Variants in TWF1 observed in about 807,000 individuals in gnomAD.
The protein encoded by TWF1 is twinfilin actin binding protein 1.
A neutral mutation model predicts 47.9 loss-of-function variants in TWF1; 14 were observed. The ratio of observed to expected loss-of-function variants is 0.29; its 90% confidence interval spans 0.19 to 0.46. TWF1 has a LOEUF of 0.46. Ranked by LOEUF, TWF1 falls within the 20% of genes least tolerant of loss-of-function variation. The pLI is 1.00. For missense variants in TWF1, 281 were observed against 409.3 expected (o/e 0.69, Z 2.70); for synonymous variants, 96 against 139.2 (o/e 0.69, Z 2.18).
In TWF1 at chr12:43,805,742, C is replaced by G; in HGVS notation, c.25+479G>C. 3.1e-6 allele frequency: 4 copies of G among 1,280,776 alleles called. No individual in the cohort carries two copies. The East Asian group carries it at 1.8e-4, about 59-fold the overall frequency. 79.3% of individuals were successfully genotyped at this position (1,280,776 alleles called of 1,614,324 possible). A position where few individuals can be genotyped will look rare whatever the true frequency, so the allele number is the denominator to read the frequency against. On this transcript the variant is annotated intron_variant, in intron 1 of 8. Coordinates refer to ENST00000395510, the MANE Select transcript of TWF1 (RefSeq NM_002822.5). ...TGCGGGAGAGTTTTGGGAAGCACCCCTACTGATGTGAGAAAGATTCTGGCA... is the reference window on the plus strand; with the variant it reads ...TGCGGGAGAGTTTTGGGAAGCACCCGTACTGATGTGAGAAAGATTCTGGCA...
rs778434449 is a variant in TWF1, at chr12:43,800,537, AGTT to A, written c.283-10_283-8del. On this transcript the variant is annotated splice_polypyrimidine_tract_variant and splice_region_variant and intron_variant, in intron 3 of 8. Transcript: ENST00000395510. Reference sequence around the variant, plus strand: ...ACAACATTTTTTGACGAACCTATTCAGTTGTGAAAGTTTACTTAGTTTATAGAT... The same window carrying A: ...ACAACATTTTTTGACGAACCTATTCAGTGAAAGTTTACTTAGTTTATAGAT... The A allele has an allele frequency of 5.6e-6, 9 of 1,604,714 alleles. No individual in the cohort carries two copies. The highest frequency in any genetic ancestry group is 7.7e-6 in the Non-Finnish European group (9 of 1,172,628).
At chr12:43,802,489 A>G (rs1267051000) in intron 2 of TWF1, 25 bp from the exon 3 acceptor site, 1 of 1,565,054 alleles carries the variant, frequency 6.4e-7, no homozygotes, top group Non-Finnish European at 8.8e-7. Context: ...TTTTAGAAAG[A>G]TAGGTAAATG....
chr12:43,794,015 G>A lies in TWF1; in HGVS notation c.*1570C>T, dbSNP rs1413633743. On this transcript the variant is annotated 3_prime_UTR_variant, in exon 9 of 9. Transcript: ENST00000395510. Reference sequence around the variant, plus strand: ...GTGTAGTGGAATTTAGAGTATAATTGCACATAGATGGTACAGAAAAACATT... The same window carrying A: ...GTGTAGTGGAATTTAGAGTATAATTACACATAGATGGTACAGAAAAACATT... 1.3e-5 allele frequency: 2 copies of A among 152,554 alleles called. No individual in the cohort carries two copies. The highest frequency in any genetic ancestry group is 4.8e-5 in the African/African-American group (2 of 41,430). The allele number at this position is 152,554 out of a possible 1,614,324, so 9.5% of individuals were successfully genotyped here.
At chr12:43,796,901 C>A (rs1303975708) in intron 8 of TWF1, 75 bp downstream of exon 8, 1 of 1,394,934 alleles carries the variant, frequency 7.2e-7, no homozygotes, top group Admixed American at 2.0e-5. Context: ...TTATAAATCA[C>A]AGTACATCAT....
intron 7 of TWF1, 76 bp from the exon 8 acceptor site, chr12:43,797,173 A>T: frequency 6.7e-7 from 1 of 1,493,696 alleles, no homozygotes; most frequent in Non-Finnish European, 9.1e-7. Context: ...TATAAACTTC[A>T]TAAAAACAAG....
In TWF1 at chr12:43,794,113, T is replaced by G. The variant is rs1246490410; in HGVS notation, c.*1472A>C. On this transcript the variant is annotated 3_prime_UTR_variant, in exon 9 of 9. Transcript: ENST00000395510. The stretch of plus-strand genomic sequence containing the variant: ...GAAAATAACAGCTTCAGCTATGGTC[T>G]GCTCCAGGATTCTTAATGCAATAAT... 1.3e-5 allele frequency: 2 copies of G among 152,642 alleles called. No homozygotes were observed. The highest frequency in any genetic ancestry group is 3.8e-4 in the East Asian group (2 of 5,196). The allele number at this position is 152,642 out of a possible 1,614,324, so 9.5% of individuals were successfully genotyped here.
At chr12:43,796,954 G>T in intron 8 of TWF1, 22 bp downstream of exon 8, 2 of 1,603,412 alleles carry the variant, frequency 1.2e-6, no homozygotes, top group South Asian at 1.1e-5. Flanking sequence ...AAAAACTGAA[G>T]ATTTTAAAAT....
chr12:43,798,735 T>TAGGAATCAGTCTG, intron 5 of TWF1: 2 of 878,572 alleles, frequency 2.3e-6, no homozygotes, highest in Non-Finnish European at 3.3e-6. Flanking sequence ...TTCTCCAGAC[T>TAGGAATCAGTCTG]GATTCCTACT....
chr12:43,806,028 G>A (rs760228894), intron 1 of TWF1, 193 bp downstream of exon 1: 52 of 1,521,106 alleles, frequency 3.4e-5, no homozygotes, highest in Non-Finnish European at 4.0e-5. Flanking sequence ...AGCAGGGACC[G>A]GGCTGGAGGA....
chr12:43,805,136 A>C (rs918842221), intron 1 of TWF1, among the ~76,000 whole-genome samples: 1 of 152,256 alleles, frequency 6.6e-6, no homozygotes, highest in African/African-American at 2.4e-5. Flanking sequence ...TATGTATTTA[A>C]TAACTAACCC....
chr12:43,797,940 C>T, intron 5 of TWF1, 107 bp from the exon 6 acceptor site: 1 of 1,155,288 alleles, frequency 8.7e-7, no homozygotes, highest in Non-Finnish European at 1.2e-6. Context: ...CCTAGCCCAA[C>T]CTATAATTAA....
Position 43,802,584 on chromosome 12 carries a change from AG to A in TWF1, c.104-121del, listed in dbSNP as rs1248922486. On this transcript the variant is annotated intron_variant, in intron 2 of 8. Coordinates refer to ENST00000395510, the MANE Select transcript of TWF1 (RefSeq NM_002822.5). The stretch of plus-strand genomic sequence containing the variant: ...CCAGTTACTATTATTCACATCAAAA[AG>A]TTGAAAAGAAAAATGTGGTAACATA... The A allele has an allele frequency of 1.7e-5, 13 of 752,838 alleles. No individual in the cohort carries two copies. The African/African-American group carries it at 2.4e-4, about 14-fold the overall frequency. 46.6% of individuals were successfully genotyped at this position (752,838 alleles called of 1,614,324 possible). A position where few individuals can be genotyped will look rare whatever the true frequency, so the allele number is the denominator to read the frequency against.
chr12:43,802,921 T>C (rs557636137), intron 2 of TWF1, among the ~76,000 whole-genome samples: 1 of 152,312 alleles, frequency 6.6e-6, no homozygotes, highest in African/African-American at 2.4e-5. Flanking sequence ...TTGGCCATAA[T>C]GCTACAGATT....
In TWF1 at chr12:43,804,598, A is replaced by C. The variant is rs989328958; in HGVS notation, c.26-26T>G. 2.0e-6 allele frequency: 3 copies of C among 1,466,212 alleles called. No individual in the cohort carries two copies. In the African/African-American group the frequency reaches 4.3e-5, roughly 21 times the overall value. The allele number at this position is 1,466,212 out of a possible 1,614,324, so 90.8% of individuals were successfully genotyped here. ...CTGTGGAAAAAGATAAAGAAAGTAA[A>C]CTTTTTATACTTACATATAAATACT... On this transcript the variant is annotated intron_variant, in intron 1 of 8. Transcript: ENST00000395510.
chr12:43,805,016 A>G (rs1361163341), intron 1 of TWF1, among the ~76,000 whole-genome samples: 1 of 152,264 alleles, frequency 6.6e-6, no homozygotes, highest in Non-Finnish European at 1.5e-5. Context: ...TATATATCAA[A>G]TATCCTAACT....
At chr12:43,801,172 T>A (rs1423182133) in intron 3 of TWF1, among the ~76,000 whole-genome samples, 2 of 152,248 alleles carry the variant, frequency 1.3e-5, no homozygotes, top group Non-Finnish European at 2.9e-5. Flanking sequence ...GATAGTGACA[T>A]TCTTCTCAAA....
chr12:43,803,058 C>A (rs1171226173), intron 2 of TWF1, among the ~76,000 whole-genome samples: 1 of 152,102 alleles, frequency 6.6e-6, no homozygotes, highest in Non-Finnish European at 1.5e-5. Flanking sequence ...GTGTTCACTG[C>A]AGCACTATAC....
chr12:43,806,082 C>G (rs1162158168), intron 1 of TWF1, 139 bp downstream of exon 1: 1 of 1,517,872 alleles, frequency 6.6e-7, no homozygotes, highest in Non-Finnish European at 8.8e-7. Flanking sequence ...CGCGGAGAGG[C>G]GCCGAGGCCC....
In TWF1 at chr12:43,805,410, C is replaced by A. The variant is rs566979349; in HGVS notation, c.25+811G>T. 14 of 378,584 alleles carry A rather than the reference C, an allele frequency of 3.7e-5. No individual in the cohort carries two copies. The East Asian group carries it at 9.5e-4, about 26-fold the overall frequency. 23.5% of individuals were successfully genotyped at this position (378,584 alleles called of 1,614,324 possible). On this transcript the variant is annotated intron_variant, in intron 1 of 8. Transcript: ENST00000395510. Reference sequence around the variant, plus strand: ...CGAATAAAACATACAATTAAGTGTTCATCTGGGAGAAAGACTCGCTATTAA... The same window carrying A: ...CGAATAAAACATACAATTAAGTGTTAATCTGGGAGAAAGACTCGCTATTAA...
Sources: allele counts gnomAD v4.1 joint callset (sites outside exome capture counted in the v4.1 genomes callset), GRCh38; gene constraint gnomAD v4.1.1; transcripts MANE v1.5; gene names NCBI Gene and HGNC (gene_info 2026-07-23, HGNC 2026-07-21).